The following CTNND1 variants were observed in gnomAD, a reference collection of about 807,000 sequenced individuals.
CTNND1 encodes catenin delta-1.
CTNND1 carries 16 observed loss-of-function variants against 112.1 expected under a neutral mutation model. The observed-to-expected ratio is 0.14, with a 90% CI of 0.10 to 0.22. The LOEUF (loss-of-function observed/expected upper bound fraction) is 0.22, where lower values mean the gene tolerates loss of function less well. Among genes scored for constraint, CTNND1 ranks in the 10% least tolerant of loss-of-function variants. CTNND1 has a pLI of 1.00. For synonymous variants in CTNND1, 420 were observed against 446.5 expected (o/e 0.94, Z 0.75); for missense variants, 1,008 against 1,257.0 (o/e 0.80, Z 3.00).
chr11:57,782,863 C>T (rs561767446), intron 1 of CTNND1, among the ~76,000 whole-genome samples: 2 of 152,352 alleles, frequency 1.3e-5, no homozygotes, highest in Admixed American at 6.5e-5. Context: ...GAGTAGTGCT[C>T]AGTTGAGATT....
chr11:57,814,954 T>G (rs1011025429), intron 18 of CTNND1, among the ~76,000 whole-genome samples: 1 of 152,184 alleles, frequency 6.6e-6, no homozygotes, highest in Non-Finnish European at 1.5e-5. Context: ...TTATACATAT[T>G]GTCTTCCATC....
intron 6 of CTNND1, among the ~76,000 whole-genome samples, chr11:57,799,993 T>G (rs1338231356): frequency 2.8e-5 from 4 of 144,560 alleles, no homozygotes; most frequent in Non-Finnish European, 4.5e-5. Context: ...TTTTTTTTTT[T>G]TTTTTTTTTT....
At chr11:57,774,192 G>C (rs1953569686) in intron 1 of CTNND1, among the ~76,000 whole-genome samples, 2 of 152,164 alleles carry the variant, frequency 1.3e-5, no homozygotes. Flanking sequence ...AGAGTTTCTG[G>C]TTCTCTCTCT....
chr11:57,781,702 G>A (rs754264236), intron 1 of CTNND1: 16 of 152,540 alleles, frequency 1.0e-4, no homozygotes, highest in Non-Finnish European at 2.3e-4. Context: ...AACTGTCCCA[G>A]TGGAGGGCCT....
Position 57,809,375 on chromosome 11 carries a change from A to C in CTNND1, c.2344A>C (p.Ile782Leu), listed in dbSNP as rs374424497. ...CACTGTCATCTCTATTTTGAACACT[A>C]TCAACGAGGTTATCGCTGAGAACTT... ...EDTVISILNT[I>L]NEVIAENLEA... is the part of the protein sequence containing the mutation. The change falls in exon 15 of 21, where the codon ATC (isoleucine) becomes CTC (leucine). Residue 782 changes from isoleucine to leucine, a missense_variant. Physicochemically the swap from Ile to Leu is conservative, Grantham distance 5. This residue lies in a region of CTNND1 where 254 missense variants were observed against 279.5 expected (regional missense o/e 0.91). Coordinates refer to ENST00000399050, the MANE Select transcript of CTNND1 (RefSeq NM_001085458.2). 6.2e-7 allele frequency: 1 copy of C among 1,613,952 alleles called. No homozygotes were observed. The highest frequency in any genetic ancestry group is 1.3e-5 in the African/African-American group (1 of 75,056).
Position 57,788,894 on chromosome 11 carries a change from ACTTG to A in CTNND1, c.-213-142_-213-139del. ...CTGAACACAACAAGGTCTAAAGGGC[ACTTG>A]TCACATTAAGCAATTCCAAGTCATA... On this transcript the variant is annotated intron_variant, in intron 1 of 20. Coordinates refer to ENST00000399050, the MANE Select transcript of CTNND1 (RefSeq NM_001085458.2). This position sits in a 1 kb window ranked among gnomAD's most constrained non-coding sequence, Gnocchi z 4.1. 1.5e-6 allele frequency: 1 copy of A among 679,574 alleles called. No homozygotes were observed. Among genetic ancestry groups the A allele is most frequent in the East Asian group, 2.7e-5 (1 of 37,008 alleles). 42.1% of individuals were successfully genotyped at this position (679,574 alleles called of 1,614,324 possible). A position where few individuals can be genotyped will look rare whatever the true frequency, so the allele number is the denominator to read the frequency against.
intron 1 of CTNND1, among the ~76,000 whole-genome samples, chr11:57,779,528 T>C (rs35808061): frequency 0.25 from 38,036 of 152,156 alleles, 5,568 homozygotes; most frequent in Non-Finnish European, 0.33. Context: ...CCGCCTTTGA[T>C]TGTCCAGGAG....
At chr11:57,795,109 G>A (rs1365331714) in intron 4 of CTNND1, among the ~76,000 whole-genome samples, 1 of 152,166 alleles carries the variant, frequency 6.6e-6, no homozygotes, top group Non-Finnish European at 1.5e-5. Context: ...TGGCAAGATT[G>A]CTTGAGCCTG....
At position 57,805,272 on chromosome 11, in the gene CTNND1, G is replaced by A. The variant is rs372038157; in HGVS notation, c.1722+492G>A. 2.6e-4 allele frequency among the ~76,000 whole-genome samples: 40 copies of A among 152,032 alleles called. No homozygotes were observed. The East Asian group carries it at 2.9e-3, about 11-fold the overall frequency. On this transcript the variant is annotated intron_variant, in intron 9 of 20. Coordinates refer to ENST00000399050, the MANE Select transcript of CTNND1 (RefSeq NM_001085458.2). ...TTTGTTTGTTTGTTTTTTTGAGATG[G>A]AGTCTGGCTCTGTCCCAGGCTGGAG...
In CTNND1 at chr11:57,791,373, C is replaced by G; in HGVS notation, c.-94-12C>G. 7.4e-7 allele frequency: 1 copy of G among 1,360,002 alleles called. No homozygotes were observed. The highest frequency in any genetic ancestry group is 9.5e-7 in the Non-Finnish European group (1 of 1,049,668). 84.2% of individuals were successfully genotyped at this position (1,360,002 alleles called of 1,614,324 possible). On this transcript the variant is annotated splice_polypyrimidine_tract_variant and intron_variant, in intron 2 of 20. Transcript: ENST00000399050. ...GACCTTTTCTCTCCTTTCTCTTACC[C>G]TTTCCCGGTAGTGTGAAGTGAGGGG... is the stretch of plus-strand genomic sequence containing the variant.
At chr11:57,789,301 G>A in intron 2 of CTNND1, 146 bp downstream of exon 2, 1 of 542,066 alleles carries the variant, frequency 1.8e-6, no homozygotes, top group East Asian at 3.1e-5. Context: ...GAATTGGGGA[G>A]AATATTTATT....
intron 6 of CTNND1, 89 bp from the exon 7 acceptor site, chr11:57,801,644 C>A: frequency 9.5e-7 from 1 of 1,050,650 alleles, no homozygotes; most frequent in Non-Finnish European, 1.4e-6. Flanking sequence ...TCCAGTTAAT[C>A]CTCCTTTGCA....
chr11:57,777,361 C>T (rs891178258), intron 1 of CTNND1, among the ~76,000 whole-genome samples: 4 of 152,256 alleles, frequency 2.6e-5, no homozygotes, highest in East Asian at 1.9e-4. Context: ...CTCTGCCTCC[C>T]GGGCTCAAGT....
At chr11:57,800,232 G>A (rs563062154) in intron 6 of CTNND1, among the ~76,000 whole-genome samples, 14 of 150,564 alleles carry the variant, frequency 9.3e-5, no homozygotes, top group Admixed American at 6.0e-4. Context: ...GGCATTTTTA[G>A]TACCCCCTTC....
At chr11:57,779,733 G>A (rs1190869118) in intron 1 of CTNND1, among the ~76,000 whole-genome samples, 2 of 152,104 alleles carry the variant, frequency 1.3e-5, no homozygotes, top group East Asian at 3.9e-4. Flanking sequence ...CTTGTGGTAG[G>A]GTTGAGGGGG....
chr11:57,787,503 T>C (rs2060257728), intron 1 of CTNND1, among the ~76,000 whole-genome samples: 1 of 152,262 alleles, frequency 6.6e-6, no homozygotes, highest in Non-Finnish European at 1.5e-5. Context: ...CACCTAATCC[T>C]CACAACAACT....
At chr11:57,775,351 AC>A (rs1953939815) in intron 1 of CTNND1, among the ~76,000 whole-genome samples, 3 of 148,386 alleles carry the variant, frequency 2.0e-5, no homozygotes, top group East Asian at 2.0e-4. Flanking sequence ...AAAAAACAAC[AC>A]ACACACACAC....
chr11:57,773,883 A>C (rs967152412), intron 1 of CTNND1, among the ~76,000 whole-genome samples: 2 of 152,076 alleles, frequency 1.3e-5, no homozygotes, highest in African/African-American at 4.8e-5. Flanking sequence ...CGGAGGTTGC[A>C]TTGAGATTGC....
intron 3 of CTNND1, among the ~76,000 whole-genome samples, chr11:57,792,472 T>C (rs1336541788): frequency 6.6e-6 from 1 of 152,254 alleles, no homozygotes; most frequent in Non-Finnish European, 1.5e-5. Flanking sequence ...TGGTAGACAT[T>C]GCCTGATAGA....
Sources: allele counts gnomAD v4.1 joint callset (sites outside exome capture counted in the v4.1 genomes callset), GRCh38; gene constraint gnomAD v4.1.1; regional missense constraint gnomAD v4.1.1; non-coding constraint Gnocchi (gnomAD v3.1); transcripts MANE v1.5; gene names NCBI Gene and HGNC (gene_info 2026-07-23, HGNC 2026-07-21).